EIF3D: variants seen among roughly 807,000 people sequenced by gnomAD.
EIF3D encodes the protein eukaryotic translation initiation factor 3 subunit D.
EIF3D carries 10 observed loss-of-function variants against 75.4 expected under a neutral mutation model. The ratio of observed to expected loss-of-function variants is 0.13; its 90% confidence interval spans 0.08 to 0.22. EIF3D has a LOEUF of 0.22. Among genes scored for constraint, EIF3D ranks in the 10% least tolerant of loss-of-function variants. The pLI, the probability that EIF3D is intolerant of heterozygous loss-of-function variation, is 1.00. For synonymous variants in EIF3D, 246 were observed against 248.3 expected (o/e 0.99, Z 0.09); for missense variants, 394 against 708.0 (o/e 0.56, Z 5.03).
At chr22:36,514,379 TG>T (rs1210182242) in intron 12 of EIF3D, among the ~76,000 whole-genome samples, 1 of 152,186 alleles carries the variant, frequency 6.6e-6, no homozygotes, top group Non-Finnish European at 1.5e-5. Flanking sequence ...GCAGAACCTA[TG>T]GCTAGGATCA....
chr22:36,513,927 G>A (rs778614436), intron 12 of EIF3D, among the ~76,000 whole-genome samples: 16 of 152,170 alleles, frequency 1.1e-4, no homozygotes, highest in East Asian at 7.7e-4. Context: ...ATTGACTGGC[G>A]GAGATAAATC....
Position 36,512,510 on chromosome 22 carries a change from G to A in EIF3D, c.1299C>T (p.Ala433=). The change falls in exon 13 of 15, where the codon GCC becomes GCT. Residue 433 remains alanine, a synonymous_variant. Coordinates refer to ENST00000216190, the MANE Select transcript of EIF3D (RefSeq NM_003753.4). ...TELKNNSYKL[A]RWTCCALLAG... ...CCAGCAAAGCACAGCAGGTCCACCG[G>A]GCCAACTTGTAGCTGTTGTTCTTCA... 1 of 1,614,200 alleles carries A rather than the reference G, an allele frequency of 6.2e-7. No individual in the cohort carries two copies. Among genetic ancestry groups the A allele is most frequent in the African/African-American group, 1.3e-5 (1 of 75,036 alleles).
intron 9 of EIF3D, among the ~76,000 whole-genome samples, chr22:36,518,555 G>A (rs536063417): frequency 1.3e-5 from 2 of 152,016 alleles, no homozygotes; most frequent in Admixed American, 1.3e-4. Context: ...GGTGCTGTGA[G>A]GACTCCAAAA....
chr22:36,515,036 C>T (rs1250027340), intron 12 of EIF3D, among the ~76,000 whole-genome samples: 1 of 152,210 alleles, frequency 6.6e-6, no homozygotes, highest in Non-Finnish European at 1.5e-5. Context: ...CCTTTGCTTT[C>T]TGCCACCATT....
intron 10 of EIF3D, 57 bp from the exon 11 acceptor site, chr22:36,516,847 A>C (rs1252886482): frequency 4.0e-6 from 6 of 1,503,110 alleles, no homozygotes; most frequent in Non-Finnish European, 5.6e-6. Flanking sequence ...GGCCAAGGCC[A>C]ATCAGTCAGA....
At position 36,516,368 on chromosome 22, in the gene EIF3D, A is replaced by C. The variant is rs115556381; in HGVS notation, c.1206+110T>G. ...AAAAAAACATCCAGGTAGCTCTATAAGTAACGAAAGGGGATAAGAAACAGT... is the reference window on the plus strand; with the variant it reads ...AAAAAAACATCCAGGTAGCTCTATACGTAACGAAAGGGGATAAGAAACAGT... On this transcript the variant is annotated intron_variant, in intron 12 of 14. Transcript: ENST00000216190. 1,843 of 1,365,320 alleles carry C rather than the reference A, an allele frequency of 1.3e-3. 13 individuals carry two copies. The African/African-American group carries it at 0.018, about 13-fold the overall frequency. 84.6% of individuals were successfully genotyped at this position (1,365,320 alleles called of 1,614,324 possible). A position where few individuals can be genotyped will look rare whatever the true frequency, so the allele number is the denominator to read the frequency against.
chr22:36,512,320 T>A lies in EIF3D; in HGVS notation c.1349+140A>T, dbSNP rs1366865634. ...TGCTGTTTGGCATTTGTCTCCTAAC[T>A]GACCCCTCCATCTCTACCCCACCCC... On this transcript the variant is annotated intron_variant, in intron 13 of 14. Coordinates refer to ENST00000216190, the MANE Select transcript of EIF3D (RefSeq NM_003753.4). The A allele has an allele frequency of 2.5e-6, 3 of 1,183,940 alleles. No homozygotes were observed. In the African/African-American group the frequency reaches 4.6e-5, roughly 18 times the overall value. The allele number at this position is 1,183,940 out of a possible 1,614,324, so 73.3% of individuals were successfully genotyped here.
intron 12 of EIF3D, among the ~76,000 whole-genome samples, chr22:36,513,722 A>AT (rs1828401979): frequency 1.3e-5 from 2 of 152,142 alleles, no homozygotes; most frequent in African/African-American, 2.4e-5. Flanking sequence ...GCTGTGGCAC[A>AT]TTTTTTGGAG....
Position 36,511,624 on chromosome 22 carries a change from G to A in EIF3D, c.1512C>T (p.Gly504=). The A allele has an allele frequency of 6.2e-7, 1 of 1,614,084 alleles. No individual in the cohort carries two copies. The highest frequency in any genetic ancestry group is 2.2e-5 in the East Asian group (1 of 44,874). ...TGGGGTCCTTGAGGATGAGGTATTT[G>A]CCCTCCTCCAGCTTCATGCAGATGT... The part of the protein sequence containing the change: ...VIDICMKLEE[G]KYLILKDPNK... The change falls in exon 14 of 15, where the codon GGC becomes GGT. Residue 504 remains glycine, a synonymous_variant. Transcript: ENST00000216190.
intron 12 of EIF3D, among the ~76,000 whole-genome samples, chr22:36,515,637 T>C (rs1934411875): frequency 2.0e-5 from 3 of 152,136 alleles, no homozygotes; most frequent in Admixed American, 6.6e-5. Flanking sequence ...AGTTATATAA[T>C]ACAGAAGTAT....
chr22:36,524,608 C>T lies in EIF3D; in HGVS notation c.294G>A (p.Met98Ile). ...GCTCTTGGCCTACCTGGGCAAATCT[C>T]ATTCGATTCCGCTGGTAGGCCGTCT... is the stretch of plus-strand genomic sequence containing the variant. ...TQKTAYQRNRMRFAQRNLRRD... is the reference protein window; with the variant it reads ...TQKTAYQRNRIRFAQRNLRRD... The change falls in exon 4 of 15, where the codon ATG becomes ATA. Residue 98 changes from methionine to isoleucine, a missense_variant. Met to Ile is a conservative substitution (Grantham distance 10). Transcript: ENST00000216190. The T allele has an allele frequency of 6.2e-7, 1 of 1,614,220 alleles. No individual in the cohort carries two copies. Among genetic ancestry groups the T allele is most frequent in the Non-Finnish European group, 8.5e-7 (1 of 1,180,052 alleles).
intron 1 of EIF3D, among the ~76,000 whole-genome samples, chr22:36,527,099 G>T (rs1934616992): frequency 6.6e-6 from 1 of 152,176 alleles, no homozygotes; most frequent in South Asian, 2.1e-4. Context: ...AGTGCAAGCG[G>T]ACATAAAGCC....
chr22:36,521,934 T>C (rs898662447), intron 6 of EIF3D, among the ~76,000 whole-genome samples: 1 of 151,876 alleles, frequency 6.6e-6, no homozygotes, highest in Non-Finnish European at 1.5e-5. Flanking sequence ...TGAGATTCCA[T>C]CTTAAAAAAA....
intron 13 of EIF3D, 122 bp downstream of exon 13, chr22:36,512,338 C>T: frequency 7.1e-7 from 1 of 1,405,460 alleles, no homozygotes; most frequent in South Asian, 1.3e-5. Context: ...CCATCTCTAC[C>T]CCACCCCTGG....
chr22:36,511,632 C>T lies in EIF3D; in HGVS notation c.1504G>A (p.Glu502Lys). The T allele has an allele frequency of 6.2e-7, 1 of 1,614,140 alleles. No homozygotes were observed. Among genetic ancestry groups the T allele is most frequent in the Non-Finnish European group, 8.5e-7 (1 of 1,180,014 alleles). Residue 502 changes from glutamate (E) to lysine (K), a missense_variant, in exon 14 of 15, where the codon GAG becomes AAG. By Grantham distance (56) the Glu-to-Lys change is moderately conservative. Transcript: ENST00000216190. The stretch of plus-strand genomic sequence containing the variant: ...TTGAGGATGAGGTATTTGCCCTCCT[C>T]CAGCTTCATGCAGATGTCAATGACG... ...RCVIDICMKL[E>K]EGKYLILKDP...
intron 9 of EIF3D, among the ~76,000 whole-genome samples, chr22:36,517,983 A>G (rs1312809355): frequency 6.6e-6 from 1 of 152,032 alleles, no homozygotes; most frequent in African/African-American, 2.4e-5. Context: ...TCCTGATGTC[A>G]AGTGATTCTC....
intron 2 of EIF3D, 87 bp from the exon 3 acceptor site, chr22:36,525,796 G>C: frequency 6.5e-7 from 1 of 1,531,826 alleles, no homozygotes; most frequent in Non-Finnish European, 8.9e-7. Context: ...CGAGAGGACA[G>C]CGTGGAAGAG....
intron 12 of EIF3D, 144 bp downstream of exon 12, chr22:36,516,334 A>G: frequency 9.8e-7 from 1 of 1,017,206 alleles, no homozygotes; most frequent in Admixed American, 2.7e-5. Flanking sequence ...GAAAAAACTC[A>G]CAAGACAAAA....
chr22:36,514,953 T>A (rs1934399795), intron 12 of EIF3D, among the ~76,000 whole-genome samples: 1 of 151,946 alleles, frequency 6.6e-6, no homozygotes, highest in Admixed American at 6.5e-5. Flanking sequence ...ATTCAAGAGA[T>A]CTGGTTGTTT....
Sources: gnomAD v4.1 joint callset for allele counts (sites outside exome capture counted in the v4.1 genomes callset) on GRCh38, gnomAD v4.1.1 for gene constraint, MANE v1.5 for transcripts, NCBI Gene and HGNC (gene_info 2026-07-23, HGNC 2026-07-21) for gene names.